IGF2BP2: variants seen among roughly 807,000 people sequenced by gnomAD.
IGF2BP2 encodes the protein insulin-like growth factor 2 mRNA-binding protein 2.
In IGF2BP2, 17 loss-of-function variants were observed where a neutral mutation model predicts 75.8. The ratio of observed to expected loss-of-function variants is 0.22; its 90% CI spans 0.15 to 0.34. The LOEUF (loss-of-function observed/expected upper bound fraction) is 0.34. IGF2BP2 is among the 10% of genes least tolerant of loss of function. IGF2BP2 has a pLI of 1.00. For synonymous variants in IGF2BP2, 288 were observed against 295.6 expected, an observed-to-expected ratio of 0.97 and a Z score of 0.26; for missense variants, 516 against 772.4, an observed-to-expected ratio of 0.67 and a Z score of 3.93.
chr3:185,804,446 A>C (rs1474642049), intron 2 of IGF2BP2, among the ~76,000 whole-genome samples: 1 of 151,702 alleles, frequency 6.6e-6, no homozygotes, highest in Non-Finnish European at 1.5e-5. Context: ...CAAAAAAAAA[A>C]CAAAAAAACA....
intron 7 of IGF2BP2, among the ~76,000 whole-genome samples, chr3:185,681,727 G>A (rs1720415554): frequency 6.6e-6 from 1 of 152,056 alleles, no homozygotes; most frequent in Admixed American, 6.6e-5. Flanking sequence ...CAGATAAATA[G>A]ACCAATGAAA....
At chr3:185,679,882 G>A (rs1720119758) in intron 7 of IGF2BP2, among the ~76,000 whole-genome samples, 1 of 152,100 alleles carries the variant, frequency 6.6e-6, no homozygotes. Flanking sequence ...CCAAAGTGTT[G>A]GGATTTATAG....
At chr3:185,798,610 G>A (rs184893662) in intron 2 of IGF2BP2, among the ~76,000 whole-genome samples, 3 of 152,086 alleles carry the variant, frequency 2.0e-5, no homozygotes, top group Admixed American at 1.3e-4. Context: ...TGATGCCAAG[G>A]CCTTGATCAG....
Position 185,695,086 on chromosome 3 carries a change from CA to C in IGF2BP2, c.340+1525del, listed in dbSNP as rs911771672. Among the ~76,000 whole-genome samples, 81 of 142,812 alleles carry C rather than the reference CA, an allele frequency of 5.7e-4. 1 individual carries two copies. The highest frequency in any genetic ancestry group is 1.7e-3 in the African/African-American group (68 of 38,944). The allele number at this position is 142,812 out of a possible 152,430, so 93.7% of individuals were successfully genotyped here. ...TGGGCGACAGAGTGAGACTCCGCCTCAAAAAAAAAAGCAGGGGGAGTCTTCT... is the reference window on the plus strand; with the variant it reads ...TGGGCGACAGAGTGAGACTCCGCCTCAAAAAAAAAGCAGGGGGAGTCTTCT... On this transcript the variant is annotated intron_variant, in intron 4 of 15. Transcript: ENST00000382199.
chr3:185,790,803 T>C (rs11927381), intron 2 of IGF2BP2, among the ~76,000 whole-genome samples: 68,001 of 151,972 alleles, frequency 0.45, 18,171 homozygotes, highest in African/African-American at 0.77. Flanking sequence ...CAAAAAAGAG[T>C]GTTACCTTTC....
chr3:185,698,489 A>T, intron 2 of IGF2BP2, 142 bp from the exon 3 acceptor site: 3 of 714,740 alleles, frequency 4.2e-6, no homozygotes, highest in Non-Finnish European at 7.1e-6. Flanking sequence ...CCTACTGTGA[A>T]TCATGAGCAT....
At chr3:185,655,120 C>A (rs1443180517) in intron 12 of IGF2BP2, among the ~76,000 whole-genome samples, 1 of 152,150 alleles carries the variant, frequency 6.6e-6, no homozygotes, top group Non-Finnish European at 1.5e-5. Context: ...CTAGCAAAAA[C>A]CAGATTGATT....
chr3:185,816,553 G>A (rs983041233), intron 2 of IGF2BP2, among the ~76,000 whole-genome samples: 1 of 152,132 alleles, frequency 6.6e-6, no homozygotes, highest in Non-Finnish European at 1.5e-5. Context: ...AACGTTAAAT[G>A]GGGAGGAAGT....
intron 2 of IGF2BP2, among the ~76,000 whole-genome samples, chr3:185,730,097 T>A (rs796411144): frequency 9.2e-5 from 14 of 152,290 alleles, no homozygotes; most frequent in African/African-American, 3.4e-4. Context: ...CTGTACACAA[T>A]AGTTAATTTT....
chr3:185,649,287 A>G (rs1714147565), intron 14 of IGF2BP2, 116 bp downstream of exon 14: 3 of 1,373,922 alleles, frequency 2.2e-6, no homozygotes, highest in Non-Finnish European at 3.0e-6. Flanking sequence ...TTTATCTGCC[A>G]AAGACCCTGA....
intron 10 of IGF2BP2, among the ~76,000 whole-genome samples, chr3:185,660,176 T>C (rs1382431160): frequency 6.6e-6 from 1 of 152,230 alleles, no homozygotes; most frequent in Non-Finnish European, 1.5e-5. Context: ...GGGTCAACAC[T>C]GACATTGCTG....
intron 2 of IGF2BP2, among the ~76,000 whole-genome samples, chr3:185,813,571 C>CA (rs1384073283): frequency 6.6e-6 from 1 of 152,096 alleles, no homozygotes; most frequent in African/African-American, 2.4e-5. Context: ...GGTTGAAAAA[C>CA]AAAAAATAAA....
intron 2 of IGF2BP2, among the ~76,000 whole-genome samples, chr3:185,793,690 C>T (rs1161407318): frequency 6.6e-6 from 1 of 152,106 alleles, no homozygotes; most frequent in Non-Finnish European, 1.5e-5. Flanking sequence ...GGAACAGTTA[C>T]GGCCCATCCT....
In IGF2BP2 at chr3:185,698,734, T is replaced by C. The variant is rs567210158; in HGVS notation, c.240-387A>G. 1.1e-3 allele frequency among the ~76,000 whole-genome samples: 168 copies of C among 152,278 alleles called. 3 individuals carry two copies. The South Asian group carries it at 0.034, about 31-fold the overall frequency. On this transcript the variant is annotated intron_variant, in intron 2 of 15. Coordinates refer to ENST00000382199, the MANE Select transcript of IGF2BP2 (RefSeq NM_006548.6). Reference sequence around the variant, plus strand: ...ACCTCTGCCTCCCGGGTTCAAGCGATTCTCCTGCTTCAGCCTCCCGAATAG... The same window carrying C: ...ACCTCTGCCTCCCGGGTTCAAGCGACTCTCCTGCTTCAGCCTCCCGAATAG...
At chr3:185,746,332 G>T (rs142583638) in intron 2 of IGF2BP2, among the ~76,000 whole-genome samples, 12 of 152,120 alleles carry the variant, frequency 7.9e-5, no homozygotes, top group Non-Finnish European at 1.3e-4. Context: ...TGCTCACAGC[G>T]ACCATGGACA....
chr3:185,737,071 T>C (rs1728953103), intron 2 of IGF2BP2, among the ~76,000 whole-genome samples: 1 of 152,268 alleles, frequency 6.6e-6, no homozygotes, highest in African/African-American at 2.4e-5. Flanking sequence ...TAATTTGTAT[T>C]TCTTTTTATA....
At chr3:185,649,356 G>A in intron 14 of IGF2BP2, 47 bp downstream of exon 14, 1 of 1,605,944 alleles carries the variant, frequency 6.2e-7, no homozygotes, top group Non-Finnish European at 8.5e-7. Flanking sequence ...CAAGGCCAGA[G>A]CGGGGAATCT....
intron 2 of IGF2BP2, among the ~76,000 whole-genome samples, chr3:185,768,658 A>T (rs911920719): frequency 1.1e-4 from 16 of 152,254 alleles, no homozygotes; most frequent in Non-Finnish European, 2.1e-4. Context: ...TCATGTGACT[A>T]GGACAGCACT....
At chr3:185,785,788 G>A (rs929294832) in intron 2 of IGF2BP2, among the ~76,000 whole-genome samples, 2 of 152,180 alleles carry the variant, frequency 1.3e-5, no homozygotes, top group African/African-American at 4.8e-5. Flanking sequence ...ACCCCAGCCT[G>A]GGTAACAAAG....
Sources: allele counts gnomAD v4.1 joint callset (sites outside exome capture counted in the v4.1 genomes callset), GRCh38; gene constraint gnomAD v4.1.1; transcripts MANE v1.5; gene names NCBI Gene and HGNC (gene_info 2026-07-23, HGNC 2026-07-21).